Variants in CMC1 observed in about 807,000 individuals in gnomAD.
CMC1 encodes the protein COX assembly mitochondrial protein homolog.
A neutral mutation model predicts 14.1 loss-of-function variants in CMC1; 14 were observed. That is an observed-to-expected ratio of 0.99 (90% CI 0.66 to 1.55). The LOEUF (loss-of-function observed/expected upper bound fraction) is 1.55, where lower values mean the gene tolerates loss of function less well. CMC1 is among the 40% of genes most tolerant of loss of function. The probability of loss-of-function intolerance (pLI) is 0.00; values close to 1 mark genes in which losing one functional copy is unlikely to be tolerated. For missense variants in CMC1, 127 were observed against 123.8 expected, an observed-to-expected ratio of 1.03 and a Z score of -0.12; for synonymous variants, 50 against 38.4, an observed-to-expected ratio of 1.30 and a Z score of -1.12.
intron 3 of CMC1, chr3:28,318,516 G>T (rs1703048637): frequency 6.6e-6 from 1 of 151,780 alleles, no homozygotes; most frequent in African/African-American, 2.4e-5. Flanking sequence ...AGTTTAGTTT[G>T]CACCCATGAA....
intron 1 of CMC1, among the ~76,000 whole-genome samples, chr3:28,256,802 C>G (rs1699435595): frequency 6.6e-6 from 1 of 152,112 alleles, no homozygotes; most frequent in Admixed American, 6.5e-5. Flanking sequence ...TACTTAACCA[C>G]TTTTCTAAAG....
chr3:28,301,055 A>G (rs1702020775), intron 2 of CMC1, among the ~76,000 whole-genome samples: 1 of 151,606 alleles, frequency 6.6e-6, no homozygotes. Context: ...GTATTTCGTG[A>G]TACAGTGTTA....
chr3:28,249,992 G>GGA (rs1699049543), intron 1 of CMC1, among the ~76,000 whole-genome samples: 1 of 152,054 alleles, frequency 6.6e-6, no homozygotes, highest in East Asian at 1.9e-4. Context: ...AGAACGAGAA[G>GGA]GAGAGAGAGC....
rs978654996 is a variant in CMC1 at position 28,282,419 on chromosome 3, A to G, written c.109+19039A>G. 5.3e-5 allele frequency among the ~76,000 whole-genome samples: 8 copies of G among 152,286 alleles called. 1 individual carries two copies. The highest frequency in any genetic ancestry group is 2.1e-4 in the South Asian group (1 of 4,818). On this transcript the variant is annotated intron_variant, in intron 2 of 3. Transcript: ENST00000466830. ...GAGATAACTGAACAGTCTTTTTGCT[A>G]TTGTTCTTACAGGTGTCCTACGCAT... is the stretch of plus-strand genomic sequence containing the variant.
chr3:28,273,747 A>C (rs1381848695), intron 2 of CMC1, among the ~76,000 whole-genome samples: 1 of 152,164 alleles, frequency 6.6e-6, no homozygotes, highest in African/African-American at 2.4e-5. Context: ...GTCTCTTTGT[A>C]GGTTTCTAAG....
At chr3:28,291,264 A>G (rs1027376176) in intron 2 of CMC1, among the ~76,000 whole-genome samples, 3 of 152,146 alleles carry the variant, frequency 2.0e-5, no homozygotes, top group African/African-American at 7.2e-5. Context: ...GACATGAAGG[A>G]CATGAACAAT....
intron 1 of CMC1, among the ~76,000 whole-genome samples, chr3:28,257,265 C>G (rs1438012857): frequency 6.6e-6 from 1 of 152,022 alleles, no homozygotes; most frequent in Non-Finnish European, 1.5e-5. Context: ...TTTTCAGCTC[C>G]CATATATAAC....
chr3:28,280,701 T>A lies in CMC1; in HGVS notation c.109+17321T>A, dbSNP rs537609256. On this transcript the variant is annotated intron_variant, in intron 2 of 3. Transcript: ENST00000466830. ...ATGTTCAACATAGCATCATATATAA[T>A]ATGGAATATTGCCAAAAATGTAGTT... 3.9e-5 allele frequency among the ~76,000 whole-genome samples: 6 copies of A among 152,330 alleles called. No individual in the cohort carries two copies. In the East Asian group the frequency reaches 9.6e-4, roughly 24 times the overall value.
At chr3:28,273,676 ATCTG>A (rs1343600507) in intron 2 of CMC1, among the ~76,000 whole-genome samples, 1 of 152,124 alleles carries the variant, frequency 6.6e-6, no homozygotes, top group Non-Finnish European at 1.5e-5. Context: ...TGTCTCGATG[ATCTG>A]TCTGATATTA....
intron 2 of CMC1, among the ~76,000 whole-genome samples, chr3:28,276,354 A>G (rs895993326): frequency 2.0e-5 from 3 of 152,228 alleles, no homozygotes; most frequent in Admixed American, 6.5e-5. Flanking sequence ...CTTTCAAGGT[A>G]TAATTGTGTA....
chr3:28,268,096 T>G (rs1195377301), intron 2 of CMC1, among the ~76,000 whole-genome samples: 1 of 152,156 alleles, frequency 6.6e-6, no homozygotes, highest in Non-Finnish European at 1.5e-5. Flanking sequence ...ATGAGTATAT[T>G]ATACAGTCTA....
At chr3:28,300,340 G>A (rs930120518) in intron 2 of CMC1, among the ~76,000 whole-genome samples, 5 of 152,078 alleles carry the variant, frequency 3.3e-5, no homozygotes, top group Admixed American at 6.6e-5. Context: ...TTATATTCGA[G>A]AACAATTAGC....
At chr3:28,274,224 T>TTTTG (rs1295102999) in intron 2 of CMC1, among the ~76,000 whole-genome samples, 2 of 144,196 alleles carry the variant, frequency 1.4e-5, no homozygotes, top group African/African-American at 2.5e-5. Flanking sequence ...TTTTTTCTTT[T>TTTTG]TTTTTTTTTT....
chr3:28,249,559 T>C (rs1392125080), intron 1 of CMC1, among the ~76,000 whole-genome samples: 1 of 152,208 alleles, frequency 6.6e-6, no homozygotes, highest in Non-Finnish European at 1.5e-5. Context: ...ATATTATAAT[T>C]ATTTGGGGAG....
At chr3:28,274,761 G>A (rs1700489515) in intron 2 of CMC1, among the ~76,000 whole-genome samples, 1 of 151,258 alleles carries the variant, frequency 6.6e-6, no homozygotes, top group African/African-American at 2.4e-5. Flanking sequence ...TCAGTCATAG[G>A]TTTGGTCTTT....
At chr3:28,285,454 G>T (rs529809316) in intron 2 of CMC1, among the ~76,000 whole-genome samples, 1 of 151,990 alleles carries the variant, frequency 6.6e-6, no homozygotes, top group South Asian at 2.1e-4. Flanking sequence ...ATGTTCTCAC[G>T]TATAAGTGGA....
At chr3:28,318,870 G>C in intron 3 of CMC1, 1 of 167,376 alleles carries the variant, frequency 6.0e-6, no homozygotes, top group Admixed American at 6.1e-5. Flanking sequence ...ACACAAAACT[G>C]ATCTTACAGG....
intron 2 of CMC1, among the ~76,000 whole-genome samples, chr3:28,266,024 A>G (rs777046977): frequency 2.6e-5 from 4 of 152,116 alleles, no homozygotes; most frequent in Non-Finnish European, 4.4e-5. Flanking sequence ...AATGTTACCT[A>G]TTGATGTGAG....
Position 28,263,299 on chromosome 3 carries a change from C to A in CMC1, c.28C>A (p.Leu10Ile). 6.2e-7 allele frequency: 1 copy of A among 1,602,050 alleles called. No homozygotes were observed. Residue 10 changes from leucine (L) to isoleucine (I), a missense_variant, in exon 2 of 4, where the codon CTC (leucine) becomes ATC (isoleucine). By Grantham distance (5) the Leu-to-Ile change is conservative. Transcript: ENST00000466830. ...GATCTTTTTTTTTTCAGACCAGCAT[C>A]TCAGACATGTCGAAAAAGATGTTTT... MALDPADQHLRHVEKDVLIP... is the reference protein window; with the variant it reads MALDPADQHIRHVEKDVLIP...
Sources: gnomAD v4.1 joint callset for allele counts (sites outside exome capture counted in the v4.1 genomes callset) on GRCh38, gnomAD v4.1.1 for gene constraint, MANE v1.5 for transcripts, NCBI Gene and HGNC (gene_info 2026-07-23, HGNC 2026-07-21) for gene names.